The following IL1RAPL1 variants were observed in gnomAD, a reference collection of about 807,000 sequenced individuals.
IL1RAPL1 encodes the protein interleukin 1 receptor accessory protein like 1.
Under a neutral mutation model 48.4 loss-of-function variants are expected in IL1RAPL1, and 3 were observed. The observed-to-expected ratio is 0.06, with a 90% CI of 0.03 to 0.16. The LOEUF (loss-of-function observed/expected upper bound fraction) is 0.16, where lower values mean the gene tolerates loss of function less well. IL1RAPL1 is among the 10% of genes least tolerant of loss of function. The probability of loss-of-function intolerance (pLI) is 1.00; values close to 1 mark genes in which losing one functional copy is unlikely to be tolerated. For missense variants in IL1RAPL1, 349 were observed against 530.6 expected (o/e 0.66, Z 3.36); for synonymous variants, 185 against 187.7 (o/e 0.99, Z 0.12).
At chrX:28,805,413 A>T (rs184953086) in intron 2 of IL1RAPL1, among the ~76,000 whole-genome samples, 1 of 111,322 alleles carries the variant, frequency 9.0e-6, no homozygotes, top group African/African-American at 3.3e-5. Flanking sequence ...CGACTGACAA[A>T]TTGTACATCT....
At chrX:29,262,404 A>G (rs1477633603) in intron 2 of IL1RAPL1, among the ~76,000 whole-genome samples, 1 of 111,569 alleles carries the variant, frequency 9.0e-6, no homozygotes, top group Non-Finnish European at 1.9e-5. Flanking sequence ...GTGACTCACC[A>G]TGGTGACCCA....
chrX:28,860,577 A>T (rs1437887724), intron 2 of IL1RAPL1, among the ~76,000 whole-genome samples: 1 of 106,517 alleles, frequency 9.4e-6, no homozygotes. Flanking sequence ...CCTGCCTCAG[A>T]CTCCCGAGTA....
intron 1 of IL1RAPL1, among the ~76,000 whole-genome samples, chrX:28,747,091 C>T (rs377416276): frequency 2.7e-5 from 3 of 110,965 alleles, no homozygotes; most frequent in African/African-American, 6.5e-5. Context: ...GTCTAAACAT[C>T]GCAAGAGCAG....
chrX:29,088,062 C>G (rs980623832), intron 2 of IL1RAPL1, among the ~76,000 whole-genome samples: 2 of 111,644 alleles, frequency 1.8e-5, no homozygotes, highest in Admixed American at 9.6e-5. Flanking sequence ...CTTCATAGCA[C>G]TTTCTCCCTA....
At chrX:29,031,685 A>G (rs944778876) in intron 2 of IL1RAPL1, among the ~76,000 whole-genome samples, 2 of 111,729 alleles carry the variant, frequency 1.8e-5, no homozygotes, top group Non-Finnish European at 3.8e-5. Flanking sequence ...TTGAAATGCT[A>G]TTATTGGTAA....
At chrX:29,247,727 A>G (rs1931540290) in intron 2 of IL1RAPL1, among the ~76,000 whole-genome samples, 1 of 111,928 alleles carries the variant, frequency 8.9e-6, no homozygotes, top group Non-Finnish European at 1.9e-5. Context: ...GGTTGCAGTG[A>G]GCCAAGATCA....
intron 2 of IL1RAPL1, among the ~76,000 whole-genome samples, chrX:29,179,228 G>A (rs889838473): frequency 9.0e-6 from 1 of 111,417 alleles, no homozygotes; most frequent in Non-Finnish European, 1.9e-5. Flanking sequence ...CTACCCATGA[G>A]CATGGAATGT....
chrX:28,729,862 G>C (rs952890720), intron 1 of IL1RAPL1, among the ~76,000 whole-genome samples: 1 of 110,640 alleles, frequency 9.0e-6, no homozygotes, highest in Non-Finnish European at 1.9e-5. Flanking sequence ...TGGGTGTGGT[G>C]GTGCACGCCT....
intron 2 of IL1RAPL1, among the ~76,000 whole-genome samples, chrX:28,857,411 A>G (rs1270011776): frequency 1.8e-5 from 2 of 111,858 alleles, no homozygotes; most frequent in Non-Finnish European, 3.8e-5. Flanking sequence ...AGAACTTTTC[A>G]TAGCTAGAGA....
intron 1 of IL1RAPL1, among the ~76,000 whole-genome samples, chrX:28,746,330 A>C (rs773705855): frequency 4.5e-5 from 5 of 111,982 alleles, no homozygotes; most frequent in African/African-American, 1.3e-4. Context: ...AAATGAAAGT[A>C]AATTCTGTTT....
intron 1 of IL1RAPL1, among the ~76,000 whole-genome samples, chrX:28,772,864 C>G (rs1183147023): frequency 9.0e-6 from 1 of 111,256 alleles, no homozygotes; most frequent in South Asian, 3.8e-4. Flanking sequence ...AAAACTTGCC[C>G]TTCTATTTTG....
intron 2 of IL1RAPL1, among the ~76,000 whole-genome samples, chrX:28,963,540 A>G (rs1272816090): frequency 1.8e-5 from 2 of 111,348 alleles, no homozygotes; most frequent in Admixed American, 9.6e-5. Flanking sequence ...AACTTCTGAT[A>G]TATTCTTTTA....
chrX:29,469,201 C>A (rs1356951830), intron 5 of IL1RAPL1, among the ~76,000 whole-genome samples: 1 of 112,247 alleles, frequency 8.9e-6, no homozygotes, highest in South Asian at 3.7e-4. Context: ...CATAGCATTT[C>A]ATATTTATAT....
chrX:29,907,427 A>G (rs1404656983), intron 6 of IL1RAPL1, among the ~76,000 whole-genome samples: 3 of 110,941 alleles, frequency 2.7e-5, no homozygotes, highest in African/African-American at 3.3e-5. Context: ...ACTTTCTCCT[A>G]TATAGTATAT....
At position 29,941,826 on chromosome X, in the gene IL1RAPL1, G is replaced by A. The variant is rs762328846; in HGVS notation, c.1201+32G>A. The stretch of plus-strand genomic sequence containing the variant: ...TGTTACCTCTTTTATTGTTCTTTCT[G>A]AATGTTCTAATTTCTTTCTTGTCTT... On this transcript the variant is annotated intron_variant, in intron 9 of 10. Transcript: ENST00000378993. 1.2e-5 allele frequency: 14 copies of A among 1,183,112 alleles called. No individual in the cohort carries two copies. In the East Asian group the frequency reaches 3.9e-4, roughly 33 times the overall value.
chrX:28,683,738 C>T (rs1015616797), intron 1 of IL1RAPL1, among the ~76,000 whole-genome samples: 2 of 112,527 alleles, frequency 1.8e-5, no homozygotes, highest in Non-Finnish European at 3.8e-5. Context: ...TCTGGAGGCT[C>T]TAGTTAAGAA....
intron 6 of IL1RAPL1, among the ~76,000 whole-genome samples, chrX:29,802,787 G>GTATACATA (rs1278232304): frequency 7.8e-5 from 2 of 25,544 alleles, no homozygotes; most frequent in African/African-American, 2.8e-4. Context: ...ATATATGTGT[G>GTATACATA]TGTGTATATA....
intron 6 of IL1RAPL1, among the ~76,000 whole-genome samples, chrX:29,893,195 C>T (rs1361793804): frequency 2.7e-5 from 3 of 111,199 alleles, no homozygotes; most frequent in South Asian, 3.8e-4. Flanking sequence ...CTATAACGAA[C>T]CTAGGAGTGA....
intron 5 of IL1RAPL1, among the ~76,000 whole-genome samples, chrX:29,498,119 T>C (rs113747946): frequency 0.04 from 4,475 of 112,336 alleles, 248 homozygotes; most frequent in African/African-American, 0.14. Context: ...GAAATGGTCA[T>C]TTATATCAAT....
Sources: gnomAD v4.1 joint callset for allele counts (sites outside exome capture counted in the v4.1 genomes callset) on GRCh38, gnomAD v4.1.1 for gene constraint, MANE v1.5 for transcripts, NCBI Gene and HGNC (gene_info 2026-07-23, HGNC 2026-07-21) for gene names.